DIP2B: variants seen among roughly 807,000 people sequenced by gnomAD.
The protein encoded by DIP2B is disco-interacting protein 2 homolog B.
DIP2B carries 76 observed loss-of-function variants against 198.0 expected under a neutral mutation model. The observed-to-expected ratio is 0.38, with a 90% CI of 0.32 to 0.46. DIP2B has a LOEUF of 0.46. Among genes scored for constraint, DIP2B ranks in the 20% least tolerant of loss-of-function variants. The pLI is 0.99. For synonymous variants in DIP2B, 701 were observed against 739.1 expected (o/e 0.95, Z 0.84); for missense variants, 1,559 against 1,978.4 (o/e 0.79, Z 4.02).
chr12:50,548,384 G>C (rs1434847362), intron 1 of DIP2B, among the ~76,000 whole-genome samples: 1 of 152,034 alleles, frequency 6.6e-6, no homozygotes, highest in African/African-American at 2.4e-5. Context: ...GTTTGTATTT[G>C]TATGCATACT....
chr12:50,539,336 T>C (rs1434991531), intron 1 of DIP2B, among the ~76,000 whole-genome samples: 3 of 151,570 alleles, frequency 2.0e-5, no homozygotes, highest in Non-Finnish European at 4.4e-5. Context: ...ATATATAAAG[T>C]GTATGCACAG....
At chr12:50,722,272 AT>A (rs1939853538) in intron 26 of DIP2B, among the ~76,000 whole-genome samples, 1 of 148,466 alleles carries the variant, frequency 6.7e-6, no homozygotes, top group African/African-American at 2.5e-5. Flanking sequence ...ATTTTATTTT[AT>A]TTTATTTTAT....
chr12:50,576,886 G>T (rs1417729552), intron 1 of DIP2B, among the ~76,000 whole-genome samples: 1 of 147,366 alleles, frequency 6.8e-6, no homozygotes, highest in Non-Finnish European at 1.5e-5. Context: ...TTTTTGATAC[G>T]GAGTTTCGGT....
At chr12:50,582,145 G>GTTTTTTTCTTTT (rs1555185571) in intron 1 of DIP2B, among the ~76,000 whole-genome samples, 1 of 77,552 alleles carries the variant, frequency 1.3e-5, no homozygotes, top group African/African-American at 6.2e-5. Context: ...CTTTTTTTCT[G>GTTTTTTTCTTTT]TTTTTTTTTT....
At chr12:50,720,259 T>G (rs1450677473) in intron 25 of DIP2B, among the ~76,000 whole-genome samples, 1 of 151,952 alleles carries the variant, frequency 6.6e-6, no homozygotes, top group East Asian at 1.9e-4. Context: ...ATGCATTCTG[T>G]GGGAGTCAGC....
chr12:50,661,424 C>A (rs1231488519), intron 4 of DIP2B, among the ~76,000 whole-genome samples: 1 of 152,124 alleles, frequency 6.6e-6, no homozygotes, highest in Non-Finnish European at 1.5e-5. Flanking sequence ...GTTTTCTTCT[C>A]GGTTTTGGCT....
At chr12:50,735,511 AGGCTAGAGTGCAGT>A (rs1940122873) in intron 34 of DIP2B, among the ~76,000 whole-genome samples, 1 of 150,940 alleles carries the variant, frequency 6.6e-6, no homozygotes, top group South Asian at 2.1e-4. Flanking sequence ...TCTGCCACCC[AGGCTAGAGTGCAGT>A]GGCGCGATCT....
intron 3 of DIP2B, among the ~76,000 whole-genome samples, chr12:50,643,685 T>C (rs1024318556): frequency 2.6e-4 from 40 of 152,054 alleles, no homozygotes; most frequent in Admixed American, 1.3e-4. Flanking sequence ...AAATTGAGTC[T>C]CTGAGAATTC....
chr12:50,576,826 C>G (rs960857233), intron 1 of DIP2B, among the ~76,000 whole-genome samples: 1 of 151,662 alleles, frequency 6.6e-6, no homozygotes, highest in Non-Finnish European at 1.5e-5. Context: ...TTTTCTAGGT[C>G]GAGTCCTATT....
intron 2 of DIP2B, among the ~76,000 whole-genome samples, chr12:50,633,582 T>C (rs757303518): frequency 3.3e-5 from 5 of 152,086 alleles, no homozygotes; most frequent in African/African-American, 4.8e-5. Context: ...CTGGGCAACA[T>C]AGTGAGACCT....
chr12:50,680,560 T>A (rs960427167), intron 8 of DIP2B, 112 bp from the exon 9 acceptor site: 4 of 924,632 alleles, frequency 4.3e-6, no homozygotes, highest in Admixed American at 4.3e-5. Context: ...AACCCATCAT[T>A]TGGAAGTGGC....
At chr12:50,718,469 G>T (rs552158848) in intron 23 of DIP2B, among the ~76,000 whole-genome samples, 50 of 152,138 alleles carry the variant, frequency 3.3e-4, no homozygotes, top group African/African-American at 8.9e-4. Context: ...TGTTTGTTTG[G>T]TTTTTTTCCA....
intron 1 of DIP2B, among the ~76,000 whole-genome samples, chr12:50,536,924 A>T (rs1958273131): frequency 6.7e-6 from 1 of 150,204 alleles, no homozygotes. Context: ...AATTATTCAG[A>T]GTGTGTGCTG....
At position 50,571,605 on chromosome 12, in the gene DIP2B, T is replaced by G. The variant is rs532544040; in HGVS notation, c.101-54371T>G. 3.2e-3 allele frequency among the ~76,000 whole-genome samples: 414 copies of G among 127,790 alleles called. 5 individuals are homozygous for G. Among genetic ancestry groups the G allele is most frequent in the African/African-American group, 0.012 (392 of 33,014 alleles). The allele number at this position is 127,790 out of a possible 152,430, so 83.8% of individuals were successfully genotyped here. On this transcript the variant is annotated intron_variant, in intron 1 of 37. Transcript: ENST00000301180. ...TCTCACTCTGTCACCTAGGCTGGAG[T>G]GCAATGGCGTGATCTTGGCTCACTG...
At chr12:50,506,308 G>A (rs1957968061) in intron 1 of DIP2B, among the ~76,000 whole-genome samples, 1 of 152,138 alleles carries the variant, frequency 6.6e-6, no homozygotes, top group Admixed American at 6.5e-5. Context: ...CATTTTTCAA[G>A]TGGATCAAAA....
At chr12:50,532,558 C>T (rs975360552) in intron 1 of DIP2B, among the ~76,000 whole-genome samples, 2 of 152,036 alleles carry the variant, frequency 1.3e-5, no homozygotes, top group African/African-American at 4.8e-5. Flanking sequence ...TATATGTATC[C>T]TTGGAACATG....
At chr12:50,644,892 C>G (rs1361321935) in intron 3 of DIP2B, among the ~76,000 whole-genome samples, 1 of 152,088 alleles carries the variant, frequency 6.6e-6, no homozygotes, top group African/African-American at 2.4e-5. Flanking sequence ...GAAATGTACT[C>G]TTTTTAATTA....
rs56326368 is a variant in DIP2B, at chr12:50,549,697, T to TAAAAAA, written c.100+44476_100+44481dup. 1.1e-4 allele frequency among the ~76,000 whole-genome samples: 7 copies of TAAAAAA among 64,786 alleles called. 1 individual carries two copies. Among genetic ancestry groups the TAAAAAA allele is most frequent in the Non-Finnish European group, 1.4e-4 (5 of 36,226 alleles). The allele number at this position is 64,786 out of a possible 152,430, so 42.5% of individuals were successfully genotyped here. A position where few individuals can be genotyped will look rare whatever the true frequency, so the allele number is the denominator to read the frequency against. On this transcript the variant is annotated intron_variant, in intron 1 of 37. Coordinates refer to ENST00000301180, the MANE Select transcript of DIP2B (RefSeq NM_173602.3). ...CTGGTGAAAGAGCAAGACTCCATCT[T>TAAAAAA]AAAAAAAAAAAAAAAAAAAAAAAAG...
intron 1 of DIP2B, among the ~76,000 whole-genome samples, chr12:50,617,224 C>T (rs1484282292): frequency 1.3e-5 from 2 of 150,906 alleles, no homozygotes; most frequent in Admixed American, 6.6e-5. Context: ...GGCGCGATCT[C>T]GGCTCACTGC....
Sources: gnomAD v4.1 joint callset for allele counts (sites outside exome capture counted in the v4.1 genomes callset) on GRCh38, gnomAD v4.1.1 for gene constraint, MANE v1.5 for transcripts, NCBI Gene and HGNC (gene_info 2026-07-23, HGNC 2026-07-21) for gene names.